NDUFAF5: variants seen among roughly 807,000 people sequenced by gnomAD.
NDUFAF5 encodes the protein arginine-hydroxylase NDUFAF5, mitochondrial.
In NDUFAF5, 34 loss-of-function variants were observed where a neutral mutation model predicts 48.9. The observed-to-expected ratio is 0.70, with a 90% CI of 0.53 to 0.93. The LOEUF (loss-of-function observed/expected upper bound fraction) is 0.93. Among genes scored for constraint, NDUFAF5 ranks in the 40% least tolerant of loss-of-function variants. The pLI, the probability that NDUFAF5 is intolerant of heterozygous loss-of-function variation, is 0.00. For synonymous variants in NDUFAF5, 153 were observed against 150.6 expected (o/e 1.02, Z -0.12); for missense variants, 428 against 427.5 (o/e 1.00, Z -0.01).
At position 13,818,099 on chromosome 20, in the gene NDUFAF5, A is replaced by T; in HGVS notation, c.*889A>T. 2.2e-6 allele frequency: 1 copy of T among 453,982 alleles called. No homozygotes were observed. 28.1% of individuals were successfully genotyped at this position (453,982 alleles called of 1,614,324 possible). A position where few individuals can be genotyped will look rare whatever the true frequency, so the allele number is the denominator to read the frequency against. On this transcript the variant is annotated 3_prime_UTR_variant, in exon 11 of 11. Coordinates refer to ENST00000378106, the MANE Select transcript of NDUFAF5 (RefSeq NM_024120.5). ...TCAGCCTTCAGTGATCTATAATAGC[A>T]TTTCCTTCTGTCTCCTCTCAGTCTC...
At chr20:13,802,997 A>T (rs1984439853) in intron 7 of NDUFAF5, among the ~76,000 whole-genome samples, 1 of 152,244 alleles carries the variant, frequency 6.6e-6, no homozygotes, top group Non-Finnish European at 1.5e-5. Flanking sequence ...TAGTGGAAAT[A>T]GGAATTTCTT....
At chr20:13,799,029 T>C (rs1983698655) in intron 6 of NDUFAF5, among the ~76,000 whole-genome samples, 1 of 151,958 alleles carries the variant, frequency 6.6e-6, no homozygotes, top group Admixed American at 6.6e-5. Flanking sequence ...CCTTAGAGGG[T>C]AGGTAAAGTT....
At position 13,801,614 on chromosome 20, in the gene NDUFAF5, T is replaced by A. The variant is rs772550815; in HGVS notation, c.648T>A (p.Ile216=). The change falls in exon 7 of 11, where the codon ATT becomes ATA. Residue 216 remains isoleucine (I), a synonymous_variant. Coordinates refer to ENST00000378106, the MANE Select transcript of NDUFAF5 (RefSeq NM_024120.5). Reference sequence around the variant, plus strand: ...GGGAAGGAGGATTTTCTCCACACATTTCTCCTTTCACTGCTGTCAATGACC... The same window carrying A: ...GGGAAGGAGGATTTTCTCCACACATATCTCCTTTCACTGCTGTCAATGACC... The part of the protein sequence containing the change: ...TEREGGFSPH[I]SPFTAVNDLG... 20 of 1,614,088 alleles carry A rather than the reference T, an allele frequency of 1.2e-5. No homozygotes were observed. In the Admixed American group the frequency reaches 3.3e-4, roughly 27 times the overall value.
rs917827513 is a variant in NDUFAF5, at chr20:13,814,422, A to G, written c.779-2041A>G. The G allele has an allele frequency of 5.4e-6, 7 of 1,286,426 alleles. No homozygotes were observed. In the East Asian group the frequency reaches 1.7e-4, roughly 31 times the overall value. The allele number at this position is 1,286,426 out of a possible 1,614,324, so 79.7% of individuals were successfully genotyped here. A position where few individuals can be genotyped will look rare whatever the true frequency, so the allele number is the denominator to read the frequency against. On this transcript the variant is annotated intron_variant, in intron 8 of 10. Transcript: ENST00000378106. ...GCTGCTATTATTAATTCACAGAACA[A>G]AAGTCCAGAATGTTGACCTAATTTT...
chr20:13,795,613 G>T (rs1442310076), intron 5 of NDUFAF5, among the ~76,000 whole-genome samples: 1 of 152,146 alleles, frequency 6.6e-6, no homozygotes, highest in African/African-American at 2.4e-5. Flanking sequence ...GAACCCAGGA[G>T]TTCGAGACCA....
rs1471821762 is a variant in NDUFAF5, at chr20:13,785,032, G to T, written c.-37G>T. On this transcript the variant is annotated 5_prime_UTR_variant, in exon 1 of 11. Transcript: ENST00000378106. Reference sequence around the variant, plus strand: ...ACACAAAAGCCGCGCTGGCGCATGCGCACAAAAAGCGCCGGCAATTGGGGT... The same window carrying T: ...ACACAAAAGCCGCGCTGGCGCATGCTCACAAAAAGCGCCGGCAATTGGGGT... 1 of 1,574,628 alleles carries T rather than the reference G, an allele frequency of 6.4e-7. No individual in the cohort carries two copies. Among genetic ancestry groups the T allele is most frequent in the East Asian group, 2.3e-5 (1 of 44,194 alleles).
intron 2 of NDUFAF5, 87 bp from the exon 3 acceptor site, chr20:13,788,502 C>A (rs565679814): frequency 2.9e-6 from 3 of 1,027,010 alleles, no homozygotes; most frequent in East Asian, 2.5e-5. Context: ...GTTGTGTTTA[C>A]TGGAATGATT....
Position 13,785,054 on chromosome 20 carries a change from G to A in NDUFAF5, c.-15G>A. 1 of 1,605,800 alleles carries A rather than the reference G, an allele frequency of 6.2e-7. No homozygotes were observed. The highest frequency in any genetic ancestry group is 1.3e-5 in the African/African-American group (1 of 74,906). ...TGCGCACAAAAAGCGCCGGCAATTG[G>A]GGTCGCAGCTGGAGATGCTGCGGCC... is the stretch of plus-strand genomic sequence containing the variant. On this transcript the variant is annotated 5_prime_UTR_variant, in exon 1 of 11. It introduces an in-frame stop codon into an upstream open reading frame of the 5' UTR. Coordinates refer to ENST00000378106, the MANE Select transcript of NDUFAF5 (RefSeq NM_024120.5).
intron 8 of NDUFAF5, among the ~76,000 whole-genome samples, chr20:13,809,764 T>C (rs1034080534): frequency 6.6e-6 from 1 of 152,198 alleles, no homozygotes; most frequent in Non-Finnish European, 1.5e-5. Flanking sequence ...GAGATGATGG[T>C]AGTTTGTACT....
chr20:13,787,148 C>T (rs1981316184), intron 1 of NDUFAF5, 164 bp from the exon 2 acceptor site: 4 of 739,542 alleles, frequency 5.4e-6, no homozygotes, highest in Non-Finnish European at 9.6e-6. Flanking sequence ...AATAATTTGC[C>T]TCAATTTTGT....
chr20:13,816,134 C>A, intron 8 of NDUFAF5: 1 of 393,316 alleles, frequency 2.5e-6, no homozygotes, highest in South Asian at 2.2e-5. Flanking sequence ...AAAGTTCTTG[C>A]CAATTGCTGA....
At chr20:13,789,221 G>C (rs1981786448) in intron 3 of NDUFAF5, among the ~76,000 whole-genome samples, 1 of 152,032 alleles carries the variant, frequency 6.6e-6, no homozygotes, top group Non-Finnish European at 1.5e-5. Flanking sequence ...CTGGAGTACA[G>C]TGGCACGATC....
At position 13,820,112 on chromosome 20, in the gene NDUFAF5, A is replaced by G. The variant is rs934890579; in HGVS notation, c.*2902A>G. On this transcript the variant is annotated 3_prime_UTR_variant, in exon 11 of 11. Transcript: ENST00000378106. ...TGGCTGCCAGGAGACTGTTTGGCTT[A>G]TTTCCTGGTTCTTAGCAATATTCCA... is the stretch of plus-strand genomic sequence containing the variant. 2 of 152,128 alleles carry G rather than the reference A, an allele frequency of 1.3e-5. No individual in the cohort carries two copies. Among genetic ancestry groups the G allele is most frequent in the Non-Finnish European group, 2.9e-5 (2 of 68,016 alleles). The allele number at this position is 152,128 out of a possible 1,614,324, so 9.4% of individuals were successfully genotyped here. A position where few individuals can be genotyped will look rare whatever the true frequency, so the allele number is the denominator to read the frequency against.
chr20:13,798,492 C>T lies in NDUFAF5; in HGVS notation c.511C>T (p.Leu171Phe), dbSNP rs995639587. The change falls in exon 6 of 11, where the codon CTT becomes TTT. Residue 171 changes from leucine to phenylalanine, a missense_variant. Coordinates refer to ENST00000378106, the MANE Select transcript of NDUFAF5 (RefSeq NM_024120.5). ...TTGGGTGAATGACCTTCCTAGAGCACTTGAGCAGGTAAGAAAACTTATGTT... is the reference window on the plus strand; with the variant it reads ...TTGGGTGAATGACCTTCCTAGAGCATTTGAGCAGGTAAGAAAACTTATGTT... ...LHWVNDLPRA[L>F]EQIHYILKPD... The T allele has an allele frequency of 1.4e-5, 23 of 1,609,772 alleles. No homozygotes were observed. The Middle Eastern group carries it at 4.9e-4, about 35-fold the overall frequency.
rs546053990 is a variant in NDUFAF5, at chr20:13,810,907, A to G, written c.778+2005A>G. 1.7e-4 allele frequency among the ~76,000 whole-genome samples: 26 copies of G among 152,218 alleles called. No homozygotes were observed. In the South Asian group the frequency reaches 5.4e-3, roughly 32 times the overall value. ...TTTTTTTTGTCAAACTGGAAGTAAT[A>G]TATGCTAAGAATGAAAGGGTCAGAG... On this transcript the variant is annotated intron_variant, in intron 8 of 10. Transcript: ENST00000378106.
rs1986641845 is a variant in NDUFAF5, at chr20:13,817,685, C to A, written c.*475C>A. 1 of 454,050 alleles carries A rather than the reference C, an allele frequency of 2.2e-6. No individual in the cohort carries two copies. The highest frequency in any genetic ancestry group is 2.0e-5 in the African/African-American group (1 of 50,110). The allele number at this position is 454,050 out of a possible 1,614,324, so 28.1% of individuals were successfully genotyped here. On this transcript the variant is annotated 3_prime_UTR_variant, in exon 11 of 11. Transcript: ENST00000378106. Reference sequence around the variant, plus strand: ...AAAGCATCTGAATTTAACCTTATTTCTTTTTTATCTCCATGGTGTGGGTGG... The same window carrying A: ...AAAGCATCTGAATTTAACCTTATTTATTTTTTATCTCCATGGTGTGGGTGG...
intron 10 of NDUFAF5, 62 bp from the exon 11 acceptor site, chr20:13,817,056 C>T: frequency 3.2e-6 from 5 of 1,557,730 alleles, no homozygotes; most frequent in Non-Finnish European, 4.4e-6. Context: ...GCATTAAGGG[C>T]TTTAATTGGG....
chr20:13,808,715 A>G, intron 7 of NDUFAF5, 127 bp from the exon 8 acceptor site: 1 of 643,532 alleles, frequency 1.6e-6, no homozygotes, highest in South Asian at 1.8e-5. Flanking sequence ...GACATCTATG[A>G]AGAATATTGT....
At chr20:13,791,507 G>C (rs535328686) in intron 3 of NDUFAF5, among the ~76,000 whole-genome samples, 70 of 152,290 alleles carry the variant, frequency 4.6e-4, no homozygotes, top group African/African-American at 1.6e-3. Flanking sequence ...ATATAGAAAA[G>C]AACCTTCTGC....
Sources: allele counts gnomAD v4.1 joint callset (sites outside exome capture counted in the v4.1 genomes callset), GRCh38; gene constraint gnomAD v4.1.1; transcripts MANE v1.5; gene names NCBI Gene and HGNC (gene_info 2026-07-23, HGNC 2026-07-21).